The following CEP128 variants were observed in gnomAD, a reference collection of about 807,000 sequenced individuals.
The protein encoded by CEP128 is centrosomal protein 128kDa.
In CEP128, 132 loss-of-function variants were observed where a neutral mutation model predicts 156.7. The ratio of observed to expected loss-of-function variants is 0.84; its 90% confidence interval spans 0.73 to 0.97. The LOEUF (loss-of-function observed/expected upper bound fraction) is 0.97, where lower values mean the gene tolerates loss of function less well. Ranked by LOEUF, CEP128 falls within the 50% of genes least tolerant of loss-of-function variation. The pLI is 0.00. For synonymous variants in CEP128, 469 were observed against 448.9 expected, an observed-to-expected ratio of 1.04 and a Z score of -0.57; for missense variants, 1,252 against 1,281.9, an observed-to-expected ratio of 0.98 and a Z score of 0.36.
chr14:80,655,721 G>C (rs1270329549), intron 19 of CEP128, among the ~76,000 whole-genome samples: 1 of 152,134 alleles, frequency 6.6e-6, no homozygotes, highest in Non-Finnish European at 1.5e-5. Context: ...TTCGCTGGTA[G>C]AAAGATAGAT....
intron 19 of CEP128, among the ~76,000 whole-genome samples, chr14:80,706,096 A>T (rs527732802): frequency 6.6e-6 from 1 of 152,276 alleles, no homozygotes; most frequent in South Asian, 2.1e-4. Flanking sequence ...TTTCTATCAT[A>T]AATTGTTCAC....
chr14:80,758,630 T>C (rs77527022), intron 17 of CEP128, among the ~76,000 whole-genome samples: 1,561 of 151,592 alleles, frequency 0.01, 15 homozygotes, highest in Middle Eastern at 0.045. Flanking sequence ...TATTAATAAA[T>C]AGGCTTCAAG....
At chr14:80,608,309 A>G (rs1028147010) in intron 19 of CEP128, among the ~76,000 whole-genome samples, 2 of 152,220 alleles carry the variant, frequency 1.3e-5, no homozygotes, top group Admixed American at 1.3e-4. Context: ...CAGGAACTAA[A>G]TAACTCAGGC....
At chr14:80,905,026 T>C in intron 5 of CEP128, 95 bp from the exon 6 acceptor site, 1 of 760,992 alleles carries the variant, frequency 1.3e-6, no homozygotes, top group Admixed American at 1.9e-5. Context: ...GACATGGATA[T>C]ACATATATTC....
intron 8 of CEP128, among the ~76,000 whole-genome samples, chr14:80,864,635 C>A (rs1887679729): frequency 6.6e-6 from 1 of 151,880 alleles, no homozygotes; most frequent in African/African-American, 2.4e-5. Flanking sequence ...CGGCTCACTG[C>A]AACCTCTGCC....
upstream of CEP128, among the ~76,000 whole-genome samples, chr14:80,944,573 A>G (rs1489206405): frequency 2.6e-5 from 4 of 152,182 alleles, no homozygotes; most frequent in African/African-American, 7.2e-5. Context: ...CTGTAATCCC[A>G]GCACTTTGGG....
At chr14:80,602,726 C>T (rs915722181) in intron 19 of CEP128, among the ~76,000 whole-genome samples, 2 of 151,944 alleles carry the variant, frequency 1.3e-5, no homozygotes, top group East Asian at 1.9e-4. Flanking sequence ...GAGCCGAGAT[C>T]GCGCCACTGC....
intron 19 of CEP128, among the ~76,000 whole-genome samples, chr14:80,741,116 C>T (rs1321989201): frequency 6.6e-6 from 1 of 151,156 alleles, no homozygotes; most frequent in African/African-American, 2.4e-5. Flanking sequence ...CAAGATCAGT[C>T]ACCTGTTTAA....
At chr14:80,863,395 TAAAAC>T (rs367838928) in intron 8 of CEP128, among the ~76,000 whole-genome samples, 2 of 152,232 alleles carry the variant, frequency 1.3e-5, no homozygotes, top group African/African-American at 4.8e-5. Context: ...CTGCTAAAAA[TAAAAC>T]AAGCTATAAA....
intron 19 of CEP128, among the ~76,000 whole-genome samples, chr14:80,701,659 G>A (rs910913927): frequency 1.3e-5 from 2 of 152,090 alleles, no homozygotes; most frequent in African/African-American, 4.8e-5. Flanking sequence ...TAATTCCAAC[G>A]TTTAGTTCAC....
chr14:80,820,205 A>G (rs1482454019), intron 13 of CEP128, among the ~76,000 whole-genome samples: 4 of 152,178 alleles, frequency 2.6e-5, no homozygotes, highest in African/African-American at 4.8e-5. Context: ...GATAACTCCA[A>G]TATCTGAAGA....
At position 80,904,804 on chromosome 14, in the gene CEP128, A is replaced by G. The variant is rs372109771; in HGVS notation, c.480+9T>C. The G allele has an allele frequency of 7.1e-6, 10 of 1,409,260 alleles. No individual in the cohort carries two copies. Among genetic ancestry groups the G allele is most frequent in the African/African-American group, 1.4e-5 (1 of 70,704 alleles). 87.3% of individuals were successfully genotyped at this position (1,409,260 alleles called of 1,614,324 possible). A position where few individuals can be genotyped will look rare whatever the true frequency, so the allele number is the denominator to read the frequency against. ...TACTGCACACAAATTACAGAATGGT[A>G]CAAAGTACCTGAGTCATATCATCAG... On this transcript the variant is annotated intron_variant, in intron 6 of 24. Transcript: ENST00000555265.
chr14:80,512,505 G>A (rs1031750085), intron 23 of CEP128, among the ~76,000 whole-genome samples: 2 of 151,940 alleles, frequency 1.3e-5, no homozygotes, highest in African/African-American at 4.8e-5. Context: ...GTAGGCAACA[G>A]ACCATTGGGT....
intron 16 of CEP128, among the ~76,000 whole-genome samples, chr14:80,769,688 A>G (rs1900420120): frequency 6.6e-6 from 1 of 152,146 alleles, no homozygotes; most frequent in Admixed American, 6.5e-5. Flanking sequence ...ATATTTTTTA[A>G]ACTTAAAAAT....
intron 20 of CEP128, among the ~76,000 whole-genome samples, chr14:80,563,660 A>G (rs995768752): frequency 6.7e-6 from 1 of 149,660 alleles, no homozygotes; most frequent in Non-Finnish European, 1.5e-5. Context: ...CAGGCTCCCG[A>G]GTAGCTGGGA....
chr14:80,512,063 G>A (rs985887840), intron 23 of CEP128, among the ~76,000 whole-genome samples: 2 of 152,042 alleles, frequency 1.3e-5, no homozygotes, highest in Non-Finnish European at 2.9e-5. Flanking sequence ...TGGATGAAAT[G>A]TTCTGTACAT....
intron 19 of CEP128, among the ~76,000 whole-genome samples, chr14:80,705,492 A>G (rs904347618): frequency 7.9e-5 from 12 of 152,140 alleles, no homozygotes; most frequent in Non-Finnish European, 1.2e-4. Context: ...CTTTACAAAC[A>G]TGTGAAAATC....
At chr14:80,724,849 T>C (rs1897951662) in intron 19 of CEP128, among the ~76,000 whole-genome samples, 1 of 151,518 alleles carries the variant, frequency 6.6e-6, no homozygotes, top group African/African-American at 2.4e-5. Flanking sequence ...CTTCTGACTG[T>C]ATACTCTAGC....
intron 17 of CEP128, among the ~76,000 whole-genome samples, chr14:80,760,380 G>C (rs894424688): frequency 6.6e-6 from 1 of 151,966 alleles, no homozygotes; most frequent in African/African-American, 2.4e-5. Context: ...TGTCTTGACT[G>C]CAAGAGAATT....
Sources: allele counts gnomAD v4.1 joint callset (sites outside exome capture counted in the v4.1 genomes callset), GRCh38; gene constraint gnomAD v4.1.1; transcripts MANE v1.5; gene names NCBI Gene and HGNC (gene_info 2026-07-23, HGNC 2026-07-21).